Variants in DGKB observed in about 807,000 individuals in gnomAD.
The protein encoded by DGKB is 90 kDa diacylglycerol kinase.
A neutral mutation model predicts 114.3 loss-of-function variants in DGKB; 67 were observed. The observed-to-expected ratio is 0.59, with a 90% CI of 0.48 to 0.72. The LOEUF is 0.72. DGKB is among the 30% of genes least tolerant of loss of function. The pLI is 0.00. For missense variants in DGKB, 907 were observed against 975.2 expected (o/e 0.93, Z 0.93); for synonymous variants, 398 against 323.1 (o/e 1.23, Z -2.49).
At chr7:14,307,542 C>G (rs1804692650) in intron 23 of DGKB, among the ~76,000 whole-genome samples, 1 of 152,094 alleles carries the variant, frequency 6.6e-6, no homozygotes, top group African/African-American at 2.4e-5. Context: ...TGGGACTTCT[C>G]TTAGGATAAA....
At chr7:14,174,809 T>TA (rs1781492412) in intron 25 of DGKB, among the ~76,000 whole-genome samples, 1 of 152,100 alleles carries the variant, frequency 6.6e-6, no homozygotes, top group Non-Finnish European at 1.5e-5. Flanking sequence ...TCACCATCAT[T>TA]AAAAACAACA....
At chr7:14,713,882 T>G (rs901795277) in intron 6 of DGKB, among the ~76,000 whole-genome samples, 2 of 152,012 alleles carry the variant, frequency 1.3e-5, no homozygotes, top group Admixed American at 1.3e-4. Flanking sequence ...GTTAAATAAT[T>G]GATAACTTGA....
At chr7:14,728,423 T>C (rs1830341225) in intron 5 of DGKB, among the ~76,000 whole-genome samples, 1 of 152,170 alleles carries the variant, frequency 6.6e-6, no homozygotes, top group African/African-American at 2.4e-5. Context: ...TCGCCTCTTC[T>C]GCAGAAGCAC....
rs144345161 is a variant in DGKB at position 14,669,077 on chromosome 7, A to G, written c.1134+3852T>C. Among the ~76,000 whole-genome samples the G allele has an allele frequency of 5.4e-3, 818 of 152,284 alleles. 8 individuals carry two copies. Among genetic ancestry groups the G allele is most frequent in the African/African-American group, 0.019 (770 of 41,572 alleles). On this transcript the variant is annotated intron_variant, in intron 13 of 25. Transcript: ENST00000402815. ...AATTTTGTTCCCACTTTCCTAGGTG[A>G]CACAGGCTTCTTACACATCTTGCAC...
intron 1 of DGKB, among the ~76,000 whole-genome samples, chr7:14,946,416 T>G (rs992101004): frequency 1.1e-4 from 17 of 151,744 alleles, no homozygotes; most frequent in Admixed American, 1.3e-4. Flanking sequence ...CTTAATATAT[T>G]TCTTTGCATC....
intron 23 of DGKB, among the ~76,000 whole-genome samples, chr7:14,313,399 C>T (rs1259661742): frequency 6.6e-6 from 1 of 152,004 alleles, no homozygotes; most frequent in East Asian, 1.9e-4. Context: ...ACAGTGGGCG[C>T]AGGTCAGTGG....
chr7:14,511,337 G>C (rs1787948448), intron 20 of DGKB, among the ~76,000 whole-genome samples: 1 of 152,140 alleles, frequency 6.6e-6, no homozygotes, highest in South Asian at 2.1e-4. Flanking sequence ...CTTGCTTGCT[G>C]TGTCACCTTG....
Position 14,392,995 on chromosome 7 carries a change from G to GTTTTTGTTTTTGTTTTTGTT in DGKB, c.1836-47605_1836-47604insAACAAAAACAAAAACAAAAA. On this transcript the variant is annotated intron_variant, in intron 21 of 25. Coordinates refer to ENST00000402815, the MANE Select transcript of DGKB (RefSeq NM_001350709.2). ...CAAAACAGACCTGTTTTTTGTTTTTGTTTTTTTTTTTTTGAGACGGAGTCT... is the reference window on the plus strand; with the variant it reads ...CAAAACAGACCTGTTTTTTGTTTTTGTTTTTGTTTTTGTTTTTGTTTTTTTTTTTTTTTGAGACGGAGTCT... 6.8e-4 allele frequency among the ~76,000 whole-genome samples: 41 copies of GTTTTTGTTTTTGTTTTTGTT among 60,548 alleles called. 3 individuals are homozygous for GTTTTTGTTTTTGTTTTTGTT. Among genetic ancestry groups the GTTTTTGTTTTTGTTTTTGTT allele is most frequent in the African/African-American group, 1.8e-3 (38 of 20,684 alleles). The allele number at this position is 60,548 out of a possible 152,430, so 39.7% of individuals were successfully genotyped here. A position where few individuals can be genotyped will look rare whatever the true frequency, so the allele number is the denominator to read the frequency against.
At chr7:14,193,092 C>G (rs1298348331) in intron 23 of DGKB, among the ~76,000 whole-genome samples, 1 of 151,750 alleles carries the variant, frequency 6.6e-6, no homozygotes, top group Non-Finnish European at 1.5e-5. Flanking sequence ...TCACCTCCTG[C>G]TACGCGACCC....
At position 14,797,988 on chromosome 7, in the gene DGKB, A is replaced by T. The variant is rs542150630; in HGVS notation, c.71-40257T>A. On this transcript the variant is annotated intron_variant, in intron 2 of 25. Transcript: ENST00000402815. Reference sequence around the variant, plus strand: ...GAGCAGCAGAAAGAAAGCTCTCAGCAGGGAGAGGGGACCCGAAATCAGGTT... The same window carrying T: ...GAGCAGCAGAAAGAAAGCTCTCAGCTGGGAGAGGGGACCCGAAATCAGGTT... Among the ~76,000 whole-genome samples the T allele has an allele frequency of 2.0e-5, 3 of 152,196 alleles. No individual in the cohort carries two copies. The East Asian group carries it at 5.8e-4, about 29-fold the overall frequency.
intron 13 of DGKB, 139 bp from the exon 14 acceptor site, chr7:14,630,407 C>A: frequency 1.8e-6 from 1 of 541,882 alleles, no homozygotes. Context: ...AATTTTACTG[C>A]TTCCTTGAAT....
At chr7:14,543,886 T>C (rs771888484) in intron 20 of DGKB, among the ~76,000 whole-genome samples, 2 of 152,182 alleles carry the variant, frequency 1.3e-5, no homozygotes, top group Non-Finnish European at 2.9e-5. Context: ...GATAATATAA[T>C]ATAACAAGGG....
chr7:14,350,454 T>TA (rs1813244606), intron 21 of DGKB, among the ~76,000 whole-genome samples: 1 of 151,912 alleles, frequency 6.6e-6, no homozygotes, highest in Non-Finnish European at 1.5e-5. Flanking sequence ...GAATAAAAAG[T>TA]AACCTAATTA....
Position 14,569,896 on chromosome 7 carries a change from T to A in DGKB, c.1770+4316A>T, listed in dbSNP as rs571904712. Reference sequence around the variant, plus strand: ...CTTTGCAGAGAGTTTTAACATTTTCTTTATATAGGTCATGTGTATTTTTTA... The same window carrying A: ...CTTTGCAGAGAGTTTTAACATTTTCATTATATAGGTCATGTGTATTTTTTA... On this transcript the variant is annotated intron_variant, in intron 20 of 25. Coordinates refer to ENST00000402815, the MANE Select transcript of DGKB (RefSeq NM_001350709.2). 3.3e-5 allele frequency among the ~76,000 whole-genome samples: 5 copies of A among 151,816 alleles called. No individual in the cohort carries two copies. The East Asian group carries it at 9.7e-4, about 29-fold the overall frequency.
chr7:14,900,226 G>T (rs914683310), intron 1 of DGKB, among the ~76,000 whole-genome samples: 1 of 152,146 alleles, frequency 6.6e-6, no homozygotes, highest in Admixed American at 6.6e-5. Flanking sequence ...CATAACATAT[G>T]TGACTCACTT....
At chr7:14,800,360 T>A (rs1444031411) in intron 2 of DGKB, among the ~76,000 whole-genome samples, 1 of 152,160 alleles carries the variant, frequency 6.6e-6, no homozygotes, top group East Asian at 1.9e-4. Flanking sequence ...GAAATTAACA[T>A]TTGAGTCAGT....
chr7:14,160,028 G>T (rs1210997368), intron 25 of DGKB, among the ~76,000 whole-genome samples: 4 of 152,080 alleles, frequency 2.6e-5, no homozygotes, highest in African/African-American at 9.7e-5. Context: ...TATATTTATG[G>T]ATTTAAAAAT....
chr7:14,792,922 A>T (rs1354912723), intron 2 of DGKB, among the ~76,000 whole-genome samples: 2 of 152,144 alleles, frequency 1.3e-5, no homozygotes, highest in African/African-American at 4.8e-5. Flanking sequence ...GAACATACAG[A>T]TTAACTCTAT....
intron 20 of DGKB, among the ~76,000 whole-genome samples, chr7:14,565,071 T>A (rs1797193352): frequency 6.6e-6 from 1 of 152,198 alleles, no homozygotes; most frequent in Admixed American, 6.5e-5. Context: ...CTTCTCTCCT[T>A]GAATATAAGC....
Sources: gnomAD v4.1 joint callset for allele counts (sites outside exome capture counted in the v4.1 genomes callset) on GRCh38, gnomAD v4.1.1 for gene constraint, MANE v1.5 for transcripts, NCBI Gene and HGNC (gene_info 2026-07-23, HGNC 2026-07-21) for gene names.